The following SPMIP2 variants were observed in gnomAD, a reference collection of about 807,000 sequenced individuals.
The protein encoded by SPMIP2 is protein SPMIP2.
the SPMIP2 span, among the ~76,000 whole-genome samples, chr4:159,067,272 C>CT: frequency 6.6e-6 from 1 of 151,992 alleles, no homozygotes; most frequent in Admixed American, 6.6e-5. Context: ...TTAAATAGAA[C>CT]TTTTGATTTT....
the SPMIP2 span, among the ~76,000 whole-genome samples, chr4:158,952,431 C>T: frequency 6.6e-6 from 1 of 152,204 alleles, no homozygotes; most frequent in Non-Finnish European, 1.5e-5. Flanking sequence ...GCATCTTCCT[C>T]ATTTTCTCTT....
At chr4:158,970,341 G>C in the SPMIP2 span, among the ~76,000 whole-genome samples, 1 of 152,114 alleles carries the variant, frequency 6.6e-6, no homozygotes, top group South Asian at 2.1e-4. Context: ...AGGAGTTTGA[G>C]ACCAGCCTGG....
chr4:158,942,174 T>C, the SPMIP2 span, among the ~76,000 whole-genome samples: 1 of 152,324 alleles, frequency 6.6e-6, no homozygotes, highest in East Asian at 1.9e-4. Flanking sequence ...AATGAAAAGT[T>C]TTTATTGTCA....
At chr4:158,912,570 T>G in the SPMIP2 span, among the ~76,000 whole-genome samples, 1 of 152,222 alleles carries the variant, frequency 6.6e-6, no homozygotes. Context: ...AGCCACTCAC[T>G]GGGGGCTATG....
At chr4:158,901,128 A>ATTTTTTTT in the SPMIP2 span, among the ~76,000 whole-genome samples, 1 of 112,302 alleles carries the variant, frequency 8.9e-6, no homozygotes, top group Non-Finnish European at 1.7e-5. Context: ...CTGGGTTGAA[A>ATTTTTTTT]TTTTTTTTTT....
chr4:158,893,551 A>T, the SPMIP2 span: 3 of 614,490 alleles, frequency 4.9e-6, no homozygotes, highest in Non-Finnish European at 8.5e-6. Context: ...CAAACTGTTT[A>T]TTTGGGCTTT....
At chr4:158,977,625 T>TTTTTTTTTC in the SPMIP2 span, among the ~76,000 whole-genome samples, 16 of 104,340 alleles carry the variant, frequency 1.5e-4, 2 homozygotes, top group Non-Finnish European at 1.9e-4. Context: ...TTTTTTTTTT[T>TTTTTTTTTC]TCTCTTTGAG....
At chr4:159,076,121 C>T in the SPMIP2 span, among the ~76,000 whole-genome samples, 1 of 152,166 alleles carries the variant, frequency 6.6e-6, no homozygotes, top group African/African-American at 2.4e-5. Context: ...GAGTCAGACA[C>T]TATTGTCCCG....
At chr4:159,034,463 T>C in the SPMIP2 span, among the ~76,000 whole-genome samples, 77 of 152,386 alleles carry the variant, frequency 5.1e-4, no homozygotes, top group African/African-American at 1.5e-3. Context: ...ATAAAAGCTA[T>C]GCTAATTCAA....
chr4:158,966,635 A>T, the SPMIP2 span, among the ~76,000 whole-genome samples: 1 of 152,196 alleles, frequency 6.6e-6, no homozygotes, highest in Non-Finnish European at 1.5e-5. Context: ...TAACTTTAAG[A>T]AGCTAAATTT....
chr4:159,065,579 G>T, the SPMIP2 span, among the ~76,000 whole-genome samples: 1 of 152,132 alleles, frequency 6.6e-6, no homozygotes, highest in East Asian at 1.9e-4. Flanking sequence ...TTAGCCAGGC[G>T]TGGTGGCATG....
At chr4:158,955,344 G>C in the SPMIP2 span, among the ~76,000 whole-genome samples, 1 of 152,132 alleles carries the variant, frequency 6.6e-6, no homozygotes, top group African/African-American at 2.4e-5. Flanking sequence ...TCATCAATTT[G>C]CTAACCTACA....
At chr4:158,959,740 A>T in the SPMIP2 span, among the ~76,000 whole-genome samples, 1 of 152,134 alleles carries the variant, frequency 6.6e-6, no homozygotes, top group Non-Finnish European at 1.5e-5. Flanking sequence ...CCTAGATGAC[A>T]AGTCAGCTTT....
the SPMIP2 span, among the ~76,000 whole-genome samples, chr4:158,936,443 T>C: frequency 6.6e-6 from 1 of 152,244 alleles, no homozygotes; most frequent in Non-Finnish European, 1.5e-5. Flanking sequence ...GTGCCATATC[T>C]GTGCCGTGAC....
the SPMIP2 span, among the ~76,000 whole-genome samples, chr4:159,066,587 TTTTATATATATATATA>T: frequency 1.1e-4 from 7 of 65,342 alleles, no homozygotes; most frequent in South Asian, 5.0e-3. Flanking sequence ...CGTGTGTGTA[TTTTATATATATATATA>T]TATATATATA....
At chr4:159,000,134 G>A in the SPMIP2 span, among the ~76,000 whole-genome samples, 2 of 152,072 alleles carry the variant, frequency 1.3e-5, no homozygotes, top group Admixed American at 1.3e-4. Context: ...CATGAACAGG[G>A]TTGTCAGATT....
At chr4:158,913,201 C>CT in the SPMIP2 span, among the ~76,000 whole-genome samples, 1 of 152,162 alleles carries the variant, frequency 6.6e-6, no homozygotes, top group Non-Finnish European at 1.5e-5. Flanking sequence ...TCAGTTAATA[C>CT]TTTTTGTTGT....
At chr4:158,993,105 G>A in the SPMIP2 span, among the ~76,000 whole-genome samples, 1 of 152,082 alleles carries the variant, frequency 6.6e-6, no homozygotes, top group Admixed American at 6.6e-5. Flanking sequence ...TGGGCATGGT[G>A]TGTCAGGCAC....
At chr4:159,003,770 C>G in the SPMIP2 span, among the ~76,000 whole-genome samples, 1 of 152,200 alleles carries the variant, frequency 6.6e-6, no homozygotes, top group Non-Finnish European at 1.5e-5. Flanking sequence ...AAATACTCCT[C>G]TTTAAAGAGA....
Sources: gnomAD v4.1 joint callset for allele counts (sites outside exome capture counted in the v4.1 genomes callset) on GRCh38, gnomAD v4.1.1 for gene constraint, MANE v1.5 for transcripts, NCBI Gene and HGNC (gene_info 2026-07-23, HGNC 2026-07-21) for gene names.